The following RNF17 variants were observed in gnomAD, a reference collection of about 807,000 sequenced individuals.
RNF17 encodes ring finger protein 17, also known as spermatogenesis associated 23.
RNF17 carries 31 observed loss-of-function variants against 200.5 expected under a neutral mutation model. The observed-to-expected ratio is 0.15, with a 90% confidence interval of 0.12 to 0.21. The LOEUF (loss-of-function observed/expected upper bound fraction) is 0.21, where lower values mean the gene tolerates loss of function less well. RNF17 is among the 10% of genes least tolerant of loss of function. The pLI is 1.00. For synonymous variants in RNF17, 606 were observed against 637.8 expected, an observed-to-expected ratio of 0.95 and a Z score of 0.75; for missense variants, 1,628 against 1,905.1, an observed-to-expected ratio of 0.85 and a Z score of 2.71.
intron 15 of RNF17, among the ~76,000 whole-genome samples, chr13:24,806,396 G>C (rs1360614507): frequency 6.6e-6 from 1 of 152,102 alleles, no homozygotes; most frequent in Non-Finnish European, 1.5e-5. Context: ...GGATTGCTGG[G>C]TCAAATGGAT....
chr13:24,867,537 CT>C (rs1893759352), intron 30 of RNF17, among the ~76,000 whole-genome samples: 1 of 152,106 alleles, frequency 6.6e-6, no homozygotes, highest in Non-Finnish European at 1.5e-5. Flanking sequence ...TGGCTGATCA[CT>C]TTTTGCTGAA....
downstream of RNF17, among the ~76,000 whole-genome samples, chr13:24,881,860 ATATATAGATACATC>A (rs1566272543): frequency 1.1e-4 from 11 of 104,506 alleles, no homozygotes; most frequent in African/African-American, 2.9e-4. Flanking sequence ...ATCTATATAG[ATATATAGATACATC>A]TATATAGATA....
intron 24 of RNF17, 50 bp from the exon 25 acceptor site, chr13:24,853,805 G>A: frequency 7.2e-7 from 1 of 1,381,366 alleles, no homozygotes; most frequent in Non-Finnish European, 9.7e-7. Context: ...GTTTTACCCA[G>A]AATTTTATAT....
intron 30 of RNF17, among the ~76,000 whole-genome samples, chr13:24,866,921 C>T (rs1893686294): frequency 6.6e-6 from 1 of 152,158 alleles, no homozygotes; most frequent in Non-Finnish European, 1.5e-5. Context: ...TCCATCTCCT[C>T]ACCAGATTAC....
At chr13:24,810,875 G>A (rs949758333) in intron 15 of RNF17, among the ~76,000 whole-genome samples, 2 of 149,752 alleles carry the variant, frequency 1.3e-5, no homozygotes, top group Admixed American at 6.6e-5. Flanking sequence ...TGTCTGGAAA[G>A]TATTTTATTT....
intron 28 of RNF17, among the ~76,000 whole-genome samples, chr13:24,863,350 A>T (rs1893287284): frequency 6.6e-6 from 1 of 152,188 alleles, no homozygotes; most frequent in East Asian, 1.9e-4. Flanking sequence ...GAAATGCACA[A>T]AGGTACAGAG....
At chr13:24,850,474 A>G (rs1424885810) in intron 23 of RNF17, 31 bp downstream of exon 23, 9 of 1,291,832 alleles carry the variant, frequency 7.0e-6, no homozygotes, top group Non-Finnish European at 8.9e-6. Context: ...TGTGCTGATG[A>G]TCTCATTAAT....
intron 18 of RNF17, among the ~76,000 whole-genome samples, chr13:24,834,535 G>T (rs1285878046): frequency 1.3e-5 from 2 of 152,220 alleles, no homozygotes; most frequent in African/African-American, 4.8e-5. Flanking sequence ...AAGTGGGAAA[G>T]GGAGACCCTC....
chr13:24,771,719 A>G (rs1383005804), intron 2 of RNF17, among the ~76,000 whole-genome samples: 2 of 151,440 alleles, frequency 1.3e-5, no homozygotes, highest in Non-Finnish European at 2.9e-5. Context: ...GTTTTTTTAA[A>G]GAAGTATATG....
chr13:24,876,476 T>C (rs1894866282), intron 33 of RNF17, among the ~76,000 whole-genome samples: 1 of 152,250 alleles, frequency 6.6e-6, no homozygotes, highest in South Asian at 2.1e-4. Flanking sequence ...ATATGGTCTA[T>C]GCTTAATTTT....
intron 18 of RNF17, among the ~76,000 whole-genome samples, chr13:24,832,265 C>T (rs909056261): frequency 9.9e-5 from 15 of 152,134 alleles, no homozygotes; most frequent in African/African-American, 3.6e-4. Flanking sequence ...GGGCTCTGTC[C>T]TTGTCCTTAA....
At chr13:24,852,409 A>G (rs1301351203) in intron 24 of RNF17, among the ~76,000 whole-genome samples, 1 of 152,198 alleles carries the variant, frequency 6.6e-6, no homozygotes, top group East Asian at 1.9e-4. Flanking sequence ...AAGTGCTGGG[A>G]TTACAGGTGT....
chr13:24,800,834 T>A (rs1885167567), intron 13 of RNF17, among the ~76,000 whole-genome samples: 1 of 152,240 alleles, frequency 6.6e-6, no homozygotes, highest in African/African-American at 2.4e-5. Flanking sequence ...ATGTGTGTGT[T>A]TCTCTACAGT....
intron 3 of RNF17, among the ~76,000 whole-genome samples, chr13:24,775,676 T>C (rs1881459467): frequency 6.6e-6 from 1 of 152,250 alleles, no homozygotes; most frequent in Admixed American, 6.5e-5. Flanking sequence ...TTTTCCATTG[T>C]TGTATAAGAC....
chr13:24,762,298 G>C (rs1003209574), upstream of RNF17, among the ~76,000 whole-genome samples: 7 of 144,362 alleles, frequency 4.8e-5, no homozygotes, highest in African/African-American at 1.8e-4. Context: ...TGAACCCGGA[G>C]ACCAAGGTTG....
intron 26 of RNF17, 86 bp from the exon 27 acceptor site, chr13:24,861,182 C>CT (rs1183264834): frequency 3.3e-6 from 4 of 1,201,566 alleles, no homozygotes; most frequent in Non-Finnish European, 4.7e-6. Context: ...CCCGGCCTGT[C>CT]TTTTTTTCTA....
chr13:24,762,761 G>A (rs1183607173), upstream of RNF17, among the ~76,000 whole-genome samples: 3 of 152,158 alleles, frequency 2.0e-5, no homozygotes, highest in African/African-American at 7.2e-5. Flanking sequence ...ACCTCCAGGT[G>A]TTTTGTTTGA....
chr13:24,794,346 A>T (rs1179865186), intron 10 of RNF17: 1 of 375,048 alleles, frequency 2.7e-6, no homozygotes, highest in Admixed American at 3.7e-5. Context: ...AATTTCACTG[A>T]TAACTAAAAC....
In RNF17 at chr13:24,844,972, T is replaced by C. The variant is rs1404037336; in HGVS notation, c.2994T>C (p.Tyr998=). 1 of 1,600,666 alleles carries C rather than the reference T, an allele frequency of 6.2e-7. No homozygotes were observed. Among genetic ancestry groups the C allele is most frequent in the Non-Finnish European group, 8.6e-7 (1 of 1,168,548 alleles). The change falls in exon 22 of 36, where the codon TAT becomes TAC. Residue 998 remains tyrosine (Y), a synonymous_variant. Coordinates refer to ENST00000255324, the MANE Select transcript of RNF17 (RefSeq NM_031277.3). ...TATTATTTTCTTAGGTCTTGCTGTA[T>C]GATGTGGGTGTTGAACTAGTAGTGA... ...VTDTLVEVLL[Y]DVGVELVVNV... is the part of the protein sequence containing the mutation.
Sources: allele counts gnomAD v4.1 joint callset (sites outside exome capture counted in the v4.1 genomes callset), GRCh38; gene constraint gnomAD v4.1.1; transcripts MANE v1.5; gene names NCBI Gene and HGNC (gene_info 2026-07-23, HGNC 2026-07-21).